LRRC7: variants seen among roughly 807,000 people sequenced by gnomAD.
The protein encoded by LRRC7 is leucine-rich repeat-containing protein 7.
In LRRC7, 23 loss-of-function variants were observed where a neutral mutation model predicts 175.7. The ratio of observed to expected loss-of-function variants is 0.13; its 90% CI spans 0.09 to 0.19. The LOEUF (loss-of-function observed/expected upper bound fraction) is 0.19. LRRC7 is among the 10% of genes least tolerant of loss of function. LRRC7 has a pLI of 1.00. For missense variants in LRRC7, 1,354 were observed against 1,904.7 expected (o/e 0.71, Z 5.38); for synonymous variants, 685 against 680.9 (o/e 1.01, Z -0.09).
chr1:69,917,172 C>T (rs1335797430), intron 7 of LRRC7, among the ~76,000 whole-genome samples: 1 of 152,144 alleles, frequency 6.6e-6, no homozygotes, highest in African/African-American at 2.4e-5. Context: ...TCTAAATAAT[C>T]AGCAAGATAT....
chr1:70,067,967 C>T (rs1391529819), intron 23 of LRRC7, among the ~76,000 whole-genome samples: 1 of 151,956 alleles, frequency 6.6e-6, no homozygotes, highest in Non-Finnish European at 1.5e-5. Context: ...ATCTTGTATC[C>T]CATGACCTTG....
At chr1:69,744,969 G>A (rs1174188739) in intron 2 of LRRC7, among the ~76,000 whole-genome samples, 2 of 151,708 alleles carry the variant, frequency 1.3e-5, no homozygotes, top group Non-Finnish European at 2.9e-5. Flanking sequence ...TCTTATAATG[G>A]ATCCACCTGC....
chr1:69,701,513 A>ATGT (rs1396343651), intron 2 of LRRC7, among the ~76,000 whole-genome samples: 58 of 152,218 alleles, frequency 3.8e-4, no homozygotes, highest in African/African-American at 1.4e-3. Context: ...AAAACCATAC[A>ATGT]CTTCCATTTT....
intron 23 of LRRC7, 117 bp from the exon 24 acceptor site, chr1:70,075,960 T>C (rs568466172): frequency 4.0e-5 from 41 of 1,014,548 alleles, no homozygotes; most frequent in Non-Finnish European, 5.3e-5. Flanking sequence ...TTTCTGGCCA[T>C]GGCTGAGAGC....
At chr1:69,988,067 A>C (rs1654096973) in intron 10 of LRRC7, among the ~76,000 whole-genome samples, 1 of 152,234 alleles carries the variant, frequency 6.6e-6, no homozygotes, top group Admixed American at 6.5e-5. Flanking sequence ...ATTATAGAGA[A>C]CATCCACTGG....
intron 7 of LRRC7, among the ~76,000 whole-genome samples, chr1:69,903,109 T>A (rs752365099): frequency 2.6e-5 from 4 of 152,232 alleles, no homozygotes; most frequent in Admixed American, 6.5e-5. Flanking sequence ...AAAAAGTTAT[T>A]CCTGGTCAGG....
intron 2 of LRRC7, among the ~76,000 whole-genome samples, chr1:69,744,920 T>C (rs549264812): frequency 6.6e-6 from 1 of 151,906 alleles, no homozygotes; most frequent in East Asian, 1.9e-4. Flanking sequence ...GTCTTCAACA[T>C]GTAAAGATGT....
intron 2 of LRRC7, among the ~76,000 whole-genome samples, chr1:69,758,071 C>T (rs1670629888): frequency 6.6e-6 from 1 of 151,996 alleles, no homozygotes; most frequent in Admixed American, 6.6e-5. Flanking sequence ...ATAATCACAA[C>T]AAACATTTAC....
intron 8 of LRRC7, among the ~76,000 whole-genome samples, chr1:69,946,161 T>A (rs1227009014): frequency 6.6e-6 from 1 of 152,164 alleles, no homozygotes; most frequent in African/African-American, 2.4e-5. Flanking sequence ...TATACTTAAT[T>A]TGTTAAGAGT....
At chr1:69,910,923 C>T (rs186252825) in intron 7 of LRRC7, among the ~76,000 whole-genome samples, 3 of 152,316 alleles carry the variant, frequency 2.0e-5, no homozygotes, top group Admixed American at 6.5e-5. Flanking sequence ...TCCCCAGCCT[C>T]GCTGCCGCCT....
intron 4 of LRRC7, among the ~76,000 whole-genome samples, chr1:69,798,901 A>G (rs1264161802): frequency 6.6e-6 from 1 of 152,102 alleles, no homozygotes; most frequent in East Asian, 1.9e-4. Flanking sequence ...TTGTTGGCCA[A>G]TCAGATGGCT....
intron 7 of LRRC7, among the ~76,000 whole-genome samples, chr1:69,846,618 T>G (rs116394341): frequency 6.6e-6 from 1 of 152,134 alleles, no homozygotes; most frequent in African/African-American, 2.4e-5. Flanking sequence ...CAAAAGGCCC[T>G]TGTTGCTTGT....
intron 13 of LRRC7, chr1:70,014,079 G>A (rs1656761326): frequency 6.6e-6 from 1 of 151,978 alleles, no homozygotes; most frequent in Non-Finnish European, 1.5e-5. Flanking sequence ...AAGCACCAAA[G>A]CTTTATGCAT....
chr1:69,901,908 G>T (rs1001896255), intron 7 of LRRC7, among the ~76,000 whole-genome samples: 17 of 152,114 alleles, frequency 1.1e-4, no homozygotes, highest in African/African-American at 4.1e-4. Flanking sequence ...ATCAAGCCCT[G>T]ATTACAAGCT....
At chr1:69,680,688 T>A (rs1466313572) in intron 2 of LRRC7, among the ~76,000 whole-genome samples, 1 of 151,808 alleles carries the variant, frequency 6.6e-6, no homozygotes, top group Non-Finnish European at 1.5e-5. Flanking sequence ...CAATTTTTTT[T>A]TTTTTGTAAT....
intron 1 of LRRC7, among the ~76,000 whole-genome samples, chr1:69,646,746 C>A (rs1655056484): frequency 6.6e-6 from 1 of 152,158 alleles, no homozygotes; most frequent in Non-Finnish European, 1.5e-5. Context: ...AAAACCAGTG[C>A]AGCCGAACCT....
At chr1:69,839,041 C>T in intron 7 of LRRC7, 1 of 307,370 alleles carries the variant, frequency 3.3e-6, no homozygotes, top group Non-Finnish European at 6.6e-6. Context: ...GCTATTATCA[C>T]CCTTCTGCAG....
chr1:70,099,122 C>T (rs1264297634), intron 25 of LRRC7, among the ~76,000 whole-genome samples: 2 of 144,196 alleles, frequency 1.4e-5, no homozygotes, highest in Non-Finnish European at 3.1e-5. Flanking sequence ...GCTTATCCAC[C>T]ATGATCAAGT....
chr1:69,999,703 A>G (rs1038600297), intron 11 of LRRC7, among the ~76,000 whole-genome samples: 2 of 152,188 alleles, frequency 1.3e-5, no homozygotes, highest in Admixed American at 6.5e-5. Flanking sequence ...GACATCATCT[A>G]TGTGAATTGA....
Sources: gnomAD v4.1 joint callset for allele counts (sites outside exome capture counted in the v4.1 genomes callset) on GRCh38, gnomAD v4.1.1 for gene constraint, MANE v1.5 for transcripts, NCBI Gene and HGNC (gene_info 2026-07-23, HGNC 2026-07-21) for gene names.